Variants in ZNF813 observed in about 807,000 individuals in gnomAD.
ZNF813 encodes zinc finger protein 813.
Under a neutral mutation model 7.2 loss-of-function variants are expected in ZNF813, and 3 were observed. The observed-to-expected ratio is 0.42, with a 90% CI of 0.19 to 1.08. The LOEUF (loss-of-function observed/expected upper bound fraction) is 1.08, where lower values mean the gene tolerates loss of function less well. ZNF813 is among the 50% of genes least tolerant of loss of function. The probability of loss-of-function intolerance (pLI) is 0.30; values close to 1 mark genes in which losing one functional copy is unlikely to be tolerated. For synonymous variants in ZNF813, 227 were observed against 256.3 expected, an observed-to-expected ratio of 0.89 and a Z score of 1.09; for missense variants, 714 against 753.3, an observed-to-expected ratio of 0.95 and a Z score of 0.61.
chr19:53,470,781 G>T (rs543846280), intron 1 of ZNF813, among the ~76,000 whole-genome samples: 2 of 151,488 alleles, frequency 1.3e-5, no homozygotes, highest in South Asian at 4.2e-4. Context: ...TGATTTCTAG[G>T]CAGCAATTAG....
chr19:53,474,106 C>G (rs1337552911), intron 1 of ZNF813, among the ~76,000 whole-genome samples: 1 of 152,180 alleles, frequency 6.6e-6, no homozygotes, highest in Non-Finnish European at 1.5e-5. Flanking sequence ...AGAGGCAGTC[C>G]AAACCTGGGA....
At chr19:53,489,297 G>A (rs918300653) in intron 3 of ZNF813, among the ~76,000 whole-genome samples, 8 of 152,090 alleles carry the variant, frequency 5.3e-5, no homozygotes, top group East Asian at 1.9e-4. Context: ...ATAAGCCACC[G>A]TGCCTGGCAT....
At position 53,492,028 on chromosome 19, in the gene ZNF813, G is replaced by T. The variant is rs1395341224; in HGVS notation, c.1796G>T (p.Arg599Ile). 1 of 1,613,896 alleles carries T rather than the reference G, an allele frequency of 6.2e-7. No homozygotes were observed. Among genetic ancestry groups the T allele is most frequent in the Non-Finnish European group, 8.5e-7 (1 of 1,179,956 alleles). ...AAAGCAAACCTTGCACGTCATCATA[G>T]ACTTCATACTGGAGAGAAACCTTAC... ...NQKANLARHH[R>I]LHTGEKPYKF... is the part of the protein sequence containing the mutation. The change falls in exon 4 of 4, where the codon AGA becomes ATA. Residue 599 changes from arginine to isoleucine, a missense_variant. By Grantham distance (97) the Arg-to-Ile change is moderately conservative. Coordinates refer to ENST00000396403, the MANE Select transcript of ZNF813 (RefSeq NM_001004301.4).
chr19:53,485,587 T>TGTATGTCACGATATATAC (rs571848662), intron 2 of ZNF813, among the ~76,000 whole-genome samples: 6 of 139,816 alleles, frequency 4.3e-5, no homozygotes, highest in South Asian at 2.4e-4. Flanking sequence ...TGTCATGACA[T>TGTATGTCACGATATATAC]ATGTATGTCA....
At chr19:53,470,305 GTTC>G (rs1337404606) in intron 1 of ZNF813, among the ~76,000 whole-genome samples, 7 of 152,146 alleles carry the variant, frequency 4.6e-5, no homozygotes, top group Non-Finnish European at 7.3e-5. Flanking sequence ...AGGAAAACTT[GTTC>G]TTCTCTTTTT....
chr19:53,474,983 C>CCCTG (rs1183339936), intron 1 of ZNF813, among the ~76,000 whole-genome samples: 5 of 152,138 alleles, frequency 3.3e-5, no homozygotes, highest in Admixed American at 6.5e-5. Context: ...TGCTTTGCCT[C>CCCTG]TCTGCCTTTC....
chr19:53,492,170 C>T lies in ZNF813; in HGVS notation c.*84C>T. On this transcript the variant is annotated 3_prime_UTR_variant, in exon 4 of 4. Coordinates refer to ENST00000396403, the MANE Select transcript of ZNF813 (RefSeq NM_001004301.4). ...TGTGGCAAGACCTTCTGTCACAATTCAGTCCTTGTAATTCATAAGAATTCA... is the reference window on the plus strand; with the variant it reads ...TGTGGCAAGACCTTCTGTCACAATTTAGTCCTTGTAATTCATAAGAATTCA... 6.5e-7 allele frequency: 1 copy of T among 1,530,394 alleles called. No homozygotes were observed. Among genetic ancestry groups the T allele is most frequent in the South Asian group, 1.2e-5 (1 of 81,262 alleles). The allele number at this position is 1,530,394 out of a possible 1,614,324, so 94.8% of individuals were successfully genotyped here.
chr19:53,472,922 C>T (rs1458141210), intron 1 of ZNF813, among the ~76,000 whole-genome samples: 4 of 152,080 alleles, frequency 2.6e-5, no homozygotes, highest in Non-Finnish European at 4.4e-5. Flanking sequence ...TTTATAAGTA[C>T]AAGTTCTTAA....
chr19:53,491,379 T>A lies in ZNF813; in HGVS notation c.1147T>A (p.Tyr383Asn). The part of the protein sequence containing the change: ...HHRLHTGEKP[Y>N]KCNECGKTFS... The stretch of plus-strand genomic sequence containing the variant: ...TAGACTTCATACGGGAGAGAAACCT[T>A]ATAAGTGTAATGAATGTGGCAAGAC... Residue 383 changes from tyrosine to asparagine, a missense_variant, in exon 4 of 4, where the codon TAT becomes AAT. This residue lies in a region of ZNF813 where 563 missense variants were observed against 554.2 expected (regional missense o/e 1.02). Coordinates refer to ENST00000396403, the MANE Select transcript of ZNF813 (RefSeq NM_001004301.4). The A allele has an allele frequency of 1.9e-6, 3 of 1,613,192 alleles. No individual in the cohort carries two copies. Among genetic ancestry groups the A allele is most frequent in the Non-Finnish European group, 2.5e-6 (3 of 1,179,394 alleles).
At chr19:53,469,810 T>A (rs998270988) in intron 1 of ZNF813, among the ~76,000 whole-genome samples, 4 of 128,588 alleles carry the variant, frequency 3.1e-5, no homozygotes, top group East Asian at 2.3e-4. Context: ...ACAGGGGGTA[T>A]AACAGGGAAG....
chr19:53,484,389 C>T (rs573133108), intron 2 of ZNF813, among the ~76,000 whole-genome samples: 81 of 152,102 alleles, frequency 5.3e-4, no homozygotes, highest in Admixed American at 1.5e-3. Flanking sequence ...GATGTTTTAT[C>T]CCATCATTAC....
chr19:53,492,975 G>A lies in ZNF813; in HGVS notation c.*889G>A. 2.2e-6 allele frequency: 1 copy of A among 459,986 alleles called. No homozygotes were observed. Among genetic ancestry groups the A allele is most frequent in the Non-Finnish European group, 4.4e-6 (1 of 225,286 alleles). The allele number at this position is 459,986 out of a possible 1,614,324, so 28.5% of individuals were successfully genotyped here. ...AAATCTTACAAATGTCATCAGTGTG[G>A]CAAGGTTTTCAGTCTGACTTCACTC... On this transcript the variant is annotated 3_prime_UTR_variant, in exon 4 of 4. Transcript: ENST00000396403.
At chr19:53,472,611 CTTTT>C (rs1166123869) in intron 1 of ZNF813, among the ~76,000 whole-genome samples, 2 of 128,404 alleles carry the variant, frequency 1.6e-5, no homozygotes, top group African/African-American at 3.0e-5. Flanking sequence ...ACAAGTCTTT[CTTTT>C]TTTTTTTTTT....
chr19:53,479,269 A>G, intron 1 of ZNF813: 2 of 1,382,908 alleles, frequency 1.4e-6, no homozygotes, highest in Non-Finnish European at 1.0e-6. Context: ...TTCTCTTTTA[A>G]TACATAATCA....
At position 53,491,260 on chromosome 19, in the gene ZNF813, C is replaced by G; in HGVS notation, c.1028C>G (p.Thr343Arg). ...ACCTTTAGTCAGACGTCATCCCTTA[C>G]ATGCCATCGTAGACTTCATACTGGA... The part of the protein sequence containing the change: ...GKTFSQTSSL[T>R]CHRRLHTGEK... Residue 343 changes from threonine to arginine, a missense_variant, in exon 4 of 4, where the codon ACA becomes AGA. Thr to Arg is a moderately conservative substitution (Grantham distance 71). This residue lies in a region of ZNF813 where 563 missense variants were observed against 554.2 expected (regional missense o/e 1.02). Transcript: ENST00000396403. 6.2e-7 allele frequency: 1 copy of G among 1,613,916 alleles called. No homozygotes were observed. The highest frequency in any genetic ancestry group is 8.5e-7 in the Non-Finnish European group (1 of 1,179,932).
Position 53,492,716 on chromosome 19 carries a change from TA to T in ZNF813, c.*632del. On this transcript the variant is annotated 3_prime_UTR_variant, in exon 4 of 4. Transcript: ENST00000396403. Reference sequence around the variant, plus strand: ...ATAAGGAAGAGAGATCATACAAGTGTAATAATCGGCAAATTTTTCAGACATC... The same window carrying T: ...ATAAGGAAGAGAGATCATACAAGTGTATAATCGGCAAATTTTTCAGACATC... The T allele has an allele frequency of 1.4e-6, 1 of 726,372 alleles. No homozygotes were observed. The highest frequency in any genetic ancestry group is 2.3e-6 in the Non-Finnish European group (1 of 439,076). 45.0% of individuals were successfully genotyped at this position (726,372 alleles called of 1,614,324 possible).
At chr19:53,472,200 G>A (rs969940523) in intron 1 of ZNF813, among the ~76,000 whole-genome samples, 3 of 152,138 alleles carry the variant, frequency 2.0e-5, no homozygotes, top group Non-Finnish European at 4.4e-5. Flanking sequence ...TTTACTGGAT[G>A]ACAGGTTTTT....
At chr19:53,478,170 TTAATTAA>T (rs2086390633) in intron 1 of ZNF813, among the ~76,000 whole-genome samples, 2 of 152,192 alleles carry the variant, frequency 1.3e-5, no homozygotes, top group Admixed American at 1.3e-4. Context: ...TTTAATTAAA[TTAATTAA>T]TAATTAATAT....
chr19:53,481,120 A>C (rs1426439984), intron 1 of ZNF813, among the ~76,000 whole-genome samples: 4 of 152,050 alleles, frequency 2.6e-5, no homozygotes, highest in African/African-American at 9.7e-5. Context: ...GATCATGGGG[A>C]ACTTGAGATC....
Sources: gnomAD v4.1 joint callset for allele counts (sites outside exome capture counted in the v4.1 genomes callset) on GRCh38, gnomAD v4.1.1 for gene constraint, gnomAD v4.1.1 regional missense constraint, MANE v1.5 for transcripts, NCBI Gene and HGNC (gene_info 2026-07-23, HGNC 2026-07-21) for gene names.